OLA1: variants seen among roughly 807,000 people sequenced by gnomAD.
The protein encoded by OLA1 is obg-like ATPase 1.
OLA1 carries 14 observed loss-of-function variants against 48.4 expected under a neutral mutation model. That is an observed-to-expected ratio of 0.29 (90% CI 0.19 to 0.45). OLA1 has a LOEUF of 0.45. OLA1 is among the 20% of genes least tolerant of loss of function. OLA1 has a pLI of 1.00. For synonymous variants in OLA1, 127 were observed against 150.4 expected, an observed-to-expected ratio of 0.84 and a Z score of 1.14; for missense variants, 325 against 467.1, an observed-to-expected ratio of 0.70 and a Z score of 2.80.
intron 4 of OLA1, among the ~76,000 whole-genome samples, chr2:174,167,515 G>T (rs1302222282): frequency 6.6e-6 from 1 of 152,210 alleles, no homozygotes; most frequent in Non-Finnish European, 1.5e-5. Flanking sequence ...GGCGGAGGTT[G>T]CAGTGAGCAG....
chr2:174,112,293 T>A (rs1226055556), intron 7 of OLA1, among the ~76,000 whole-genome samples: 1 of 152,188 alleles, frequency 6.6e-6, no homozygotes, highest in African/African-American at 2.4e-5. Context: ...TTATGTAACT[T>A]TGGCCAAGTT....
intron 7 of OLA1, among the ~76,000 whole-genome samples, chr2:174,113,570 C>G (rs1239433877): frequency 6.6e-6 from 1 of 151,962 alleles, no homozygotes; most frequent in Non-Finnish European, 1.5e-5. Context: ...ACAGCAGCAG[C>G]AAATGCTTAT....
At chr2:174,239,714 C>CAAAAAAAAAA (rs35332033) in intron 2 of OLA1, among the ~76,000 whole-genome samples, 3 of 60,632 alleles carry the variant, frequency 4.9e-5, no homozygotes, top group Admixed American at 2.1e-4. Context: ...CCCATCTCTA[C>CAAAAAAAAAA]AAAAAAAAAA....
chr2:174,176,763 A>C (rs936030861), intron 4 of OLA1, among the ~76,000 whole-genome samples: 2 of 152,188 alleles, frequency 1.3e-5, no homozygotes, highest in African/African-American at 4.8e-5. Context: ...GAATTAAAAT[A>C]AAGTAAACAA....
chr2:174,159,859 A>C (rs533153663), intron 4 of OLA1, among the ~76,000 whole-genome samples: 5 of 152,064 alleles, frequency 3.3e-5, no homozygotes, highest in Non-Finnish European at 5.9e-5. Context: ...TATTTATTAC[A>C]AAGTATTTAA....
intron 4 of OLA1, among the ~76,000 whole-genome samples, chr2:174,188,371 A>AAATAATAATAAT (rs34087383): frequency 3.5e-4 from 52 of 149,330 alleles, no homozygotes; most frequent in African/African-American, 1.1e-3. Context: ...TTCCTCCTAA[A>AAATAATAATAAT]AATAATAATA....
intron 4 of OLA1, among the ~76,000 whole-genome samples, chr2:174,211,903 T>C (rs1688253601): frequency 1.3e-5 from 2 of 152,234 alleles, no homozygotes; most frequent in African/African-American, 2.4e-5. Context: ...TGTTTCTTTT[T>C]AACTTTTTTA....
At chr2:174,182,719 T>C (rs1687577170) in intron 4 of OLA1, among the ~76,000 whole-genome samples, 1 of 152,146 alleles carries the variant, frequency 6.6e-6, no homozygotes, top group African/African-American at 2.4e-5. Flanking sequence ...AAACCCACTG[T>C]TTTCATCCCT....
At chr2:174,240,643 T>G (rs751554192) in intron 2 of OLA1, among the ~76,000 whole-genome samples, 1 of 151,916 alleles carries the variant, frequency 6.6e-6, no homozygotes, top group Non-Finnish European at 1.5e-5. Flanking sequence ...TCACAAGCCA[T>G]CAAGAGATAT....
At chr2:174,148,464 A>AAC (rs941345164) in intron 4 of OLA1, among the ~76,000 whole-genome samples, 4 of 152,222 alleles carry the variant, frequency 2.6e-5, no homozygotes, top group African/African-American at 9.6e-5. Flanking sequence ...CATAATGCGT[A>AAC]ACTAAAATGT....
At chr2:174,091,658 G>A (rs995147108) in intron 7 of OLA1, among the ~76,000 whole-genome samples, 1 of 151,786 alleles carries the variant, frequency 6.6e-6, no homozygotes, top group East Asian at 1.9e-4. Context: ...GGCTGAGGTG[G>A]GCAGAACACC....
chr2:174,242,718 G>C (rs909101659), intron 2 of OLA1, among the ~76,000 whole-genome samples: 2 of 152,310 alleles, frequency 1.3e-5, no homozygotes, highest in South Asian at 4.1e-4. Context: ...ATAGCAACAA[G>C]AAGAGCTATC....
chr2:174,190,944 CAAA>C (rs774971306), intron 4 of OLA1, among the ~76,000 whole-genome samples: 5 of 32,906 alleles, frequency 1.5e-4, no homozygotes, highest in African/African-American at 5.1e-4. Flanking sequence ...GACTTCGTCT[CAAA>C]AAAAAAAAAA....
At chr2:174,202,129 G>T (rs1001203143) in intron 4 of OLA1, among the ~76,000 whole-genome samples, 1 of 151,848 alleles carries the variant, frequency 6.6e-6, no homozygotes, top group African/African-American at 2.4e-5. Context: ...ATAAAAATAT[G>T]CAAACACTAG....
chr2:174,194,587 G>T (rs969883998), intron 4 of OLA1, among the ~76,000 whole-genome samples: 1 of 152,036 alleles, frequency 6.6e-6, no homozygotes, highest in African/African-American at 2.4e-5. Flanking sequence ...AATATTTCCC[G>T]ATGACTGGTC....
At chr2:174,170,216 G>A (rs1195844543) in intron 4 of OLA1, among the ~76,000 whole-genome samples, 1 of 152,134 alleles carries the variant, frequency 6.6e-6, no homozygotes, top group Non-Finnish European at 1.5e-5. Context: ...CTGGGCTACA[G>A]AGCGAGACTC....
chr2:174,245,754 C>T (rs1310116037), intron 2 of OLA1, among the ~76,000 whole-genome samples: 2 of 151,520 alleles, frequency 1.3e-5, no homozygotes, highest in South Asian at 2.1e-4. Flanking sequence ...ATTAGCCGGG[C>T]GTGGTGGCAC....
chr2:174,144,791 T>TA (rs2105382877), intron 4 of OLA1, among the ~76,000 whole-genome samples: 1 of 150,622 alleles, frequency 6.6e-6, no homozygotes, highest in South Asian at 2.1e-4. Context: ...TGTCCCTAAA[T>TA]AAAAAAATTA....
intron 4 of OLA1, among the ~76,000 whole-genome samples, chr2:174,142,800 T>C (rs1686487236): frequency 6.6e-6 from 1 of 152,166 alleles, no homozygotes; most frequent in South Asian, 2.1e-4. Flanking sequence ...AATTACCAGA[T>C]AAAGAATAGT....
Sources: allele counts gnomAD v4.1 joint callset (sites outside exome capture counted in the v4.1 genomes callset), GRCh38; gene constraint gnomAD v4.1.1; transcripts MANE v1.5; gene names NCBI Gene and HGNC (gene_info 2026-07-23, HGNC 2026-07-21).